PASD1: variants seen among roughly 807,000 people sequenced by gnomAD.
PASD1 encodes circadian clock protein PASD1.
PASD1 carries 13 observed loss-of-function variants against 58.8 expected under a neutral mutation model. The observed-to-expected ratio is 0.22, with a 90% CI of 0.14 to 0.35. The LOEUF is 0.35. Among genes scored for constraint, PASD1 ranks in the 10% least tolerant of loss-of-function variants. PASD1 has a pLI of 1.00. For missense variants in PASD1, 734 were observed against 568.3 expected, an observed-to-expected ratio of 1.29 and a Z score of -2.96; for synonymous variants, 236 against 216.7, an observed-to-expected ratio of 1.09 and a Z score of -0.78.
intron 8 of PASD1, among the ~76,000 whole-genome samples, chrX:151,634,056 C>A (rs1224313138): frequency 8.9e-6 from 1 of 111,923 alleles, no homozygotes; most frequent in Non-Finnish European, 1.9e-5. Context: ...TTACCTCTTT[C>A]TTATCTTGAG....
chrX:151,567,988 G>T (rs1199345505), intron 1 of PASD1, among the ~76,000 whole-genome samples: 2 of 111,954 alleles, frequency 1.8e-5, no homozygotes, highest in Non-Finnish European at 3.8e-5. Flanking sequence ...GCCTCCCAAA[G>T]TTCTGGGATT....
rs772312711 is a variant in PASD1 at position 151,604,703 on chromosome X, C to T, written c.86C>T (p.Thr29Ile). Residue 29 changes from threonine (T) to isoleucine (I), a missense_variant, in exon 3 of 16, where the codon ACC becomes ATC. Coordinates refer to ENST00000370357, the MANE Select transcript of PASD1 (RefSeq NM_173493.3). Reference sequence around the variant, plus strand: ...TTAAACTGGATTCCATCATTTCCTACCTATGATTACTTCAACCAAGTGACG... The same window carrying T: ...TTAAACTGGATTCCATCATTTCCTATCTATGATTACTTCAACCAAGTGACG... ...RKLNWIPSFP[T>I]YDYFNQVTLQ... 7 of 1,208,118 alleles carry T rather than the reference C, an allele frequency of 5.8e-6. No individual in the cohort carries two copies. The highest frequency in any genetic ancestry group is 7.8e-6 in the Non-Finnish European group (7 of 892,767).
intron 4 of PASD1, among the ~76,000 whole-genome samples, chrX:151,616,432 A>G (rs1181861701): frequency 9.0e-6 from 1 of 110,850 alleles, no homozygotes; most frequent in African/African-American, 3.3e-5. Flanking sequence ...GCCCATTATC[A>G]TCATGATCAT....
In PASD1 at chrX:151,674,016, A is replaced by G. The variant is rs748825696; in HGVS notation, c.2005A>G (p.Ile669Val). The G allele has an allele frequency of 1.7e-5, 21 of 1,209,791 alleles. No individual in the cohort carries two copies. The highest frequency in any genetic ancestry group is 7.0e-5 in the African/African-American group (4 of 57,222). Residue 669 changes from isoleucine (I) to valine (V), a missense_variant, in exon 15 of 16, where the codon ATT becomes GTT. By Grantham distance (29) the Ile-to-Val change is conservative. Transcript: ENST00000370357. ...CTCTGAGGCAATTTCTTCTTCCAGCATTCCTCAGTTTCCCATAACTTCAGA... is the reference window on the plus strand; with the variant it reads ...CTCTGAGGCAATTTCTTCTTCCAGCGTTCCTCAGTTTCCCATAACTTCAGA... ...SNSEAISSSS[I>V]PQFPITSDST...
intron 1 of PASD1, among the ~76,000 whole-genome samples, chrX:151,599,521 G>C (rs369543944): frequency 1.8e-5 from 2 of 110,430 alleles, no homozygotes; most frequent in African/African-American, 6.6e-5. Flanking sequence ...GGCGGCTGCC[G>C]GGTGGAGGGG....
chrX:151,609,803 G>GT (rs200781502), intron 3 of PASD1, among the ~76,000 whole-genome samples: 140 of 41,645 alleles, frequency 3.4e-3, no homozygotes, highest in African/African-American at 9.3e-3. Context: ...CTTTCAGGGT[G>GT]TTTTTTTTTT....
intron 1 of PASD1, among the ~76,000 whole-genome samples, chrX:151,588,965 G>A (rs1290476364): frequency 9.0e-6 from 1 of 111,018 alleles, no homozygotes; most frequent in Non-Finnish European, 1.9e-5. Flanking sequence ...TTCTCAGTGA[G>A]CTTTCCCCAC....
At chrX:151,582,412 G>A (rs970619974) in intron 1 of PASD1, among the ~76,000 whole-genome samples, 2 of 111,466 alleles carry the variant, frequency 1.8e-5, no homozygotes, top group Admixed American at 9.5e-5. Flanking sequence ...CTCCTGAGTA[G>A]CTGGGACTAC....
At chrX:151,650,544 T>C (rs1001303491) in intron 9 of PASD1, among the ~76,000 whole-genome samples, 1 of 111,605 alleles carries the variant, frequency 9.0e-6, no homozygotes, top group Non-Finnish European at 1.9e-5. Context: ...CTTCCACTTA[T>C]CACTAAGTTC....
At chrX:151,614,950 A>ATATAAT (rs2013619338) in intron 4 of PASD1, among the ~76,000 whole-genome samples, 1 of 112,263 alleles carries the variant, frequency 8.9e-6, no homozygotes, top group African/African-American at 3.2e-5. Flanking sequence ...AGGATACCAA[A>ATATAAT]ACAGCTAAAT....
intron 11 of PASD1, among the ~76,000 whole-genome samples, chrX:151,669,046 C>T (rs1109556): frequency 0.22 from 23,315 of 107,804 alleles, 2,286 homozygotes; most frequent in Middle Eastern, 0.41. Context: ...CCAGCTCAGC[C>T]TCTTTTTTAT....
At chrX:151,595,838 T>C (rs969605988) in intron 1 of PASD1, among the ~76,000 whole-genome samples, 3 of 112,032 alleles carry the variant, frequency 2.7e-5, no homozygotes, top group African/African-American at 9.7e-5. Context: ...TCTTTCTTGG[T>C]TTTCTGAACT....
chrX:151,640,127 T>G (rs1415878242), intron 8 of PASD1, among the ~76,000 whole-genome samples: 1 of 111,739 alleles, frequency 8.9e-6, no homozygotes, highest in Non-Finnish European at 1.9e-5. Flanking sequence ...GTTACAAAAA[T>G]AGGAAGACTC....
At chrX:151,636,622 T>G (rs1376744875) in intron 8 of PASD1, among the ~76,000 whole-genome samples, 1 of 111,545 alleles carries the variant, frequency 9.0e-6, no homozygotes, top group Non-Finnish European at 1.9e-5. Flanking sequence ...CAGACTGGTC[T>G]TGAACTCCTT....
chrX:151,663,573 C>T (rs2014336846), intron 10 of PASD1, among the ~76,000 whole-genome samples: 1 of 112,176 alleles, frequency 8.9e-6, no homozygotes, highest in South Asian at 3.7e-4. Context: ...TGCGGGACTG[C>T]TGGGTCATTT....
At chrX:151,674,229 A>G in intron 15 of PASD1, 43 bp downstream of exon 15, 1 of 1,198,290 alleles carries the variant, frequency 8.3e-7, no homozygotes, top group Non-Finnish European at 1.1e-6. Context: ...GCAGGTCAAG[A>G]GGGATTCTGG....
chrX:151,671,672 C>T lies in PASD1; in HGVS notation c.1330C>T (p.Arg444Trp), dbSNP rs755898276. The T allele has an allele frequency of 4.9e-5, 59 of 1,208,374 alleles. No homozygotes were observed. Among genetic ancestry groups the T allele is most frequent in the African/African-American group, 3.1e-4 (18 of 57,342 alleles). ...QQKQHAGQVK[R>W]PLPHPKDVKC... is the part of the protein sequence containing the mutation. ...GAAACAACACGCTGGGCAAGTGAAGCGGCCTCTCCCACATCCCAAGGACGT... is the reference window on the plus strand; with the variant it reads ...GAAACAACACGCTGGGCAAGTGAAGTGGCCTCTCCCACATCCCAAGGACGT... Residue 444 changes from arginine to tryptophan, a missense_variant, in exon 13 of 16, where the codon CGG becomes TGG. Transcript: ENST00000370357.
intron 12 of PASD1, 66 bp from the exon 13 acceptor site, chrX:151,671,507 T>C: frequency 1.8e-6 from 2 of 1,140,309 alleles, no homozygotes; most frequent in Non-Finnish European, 2.4e-6. Context: ...CATGCCCAGC[T>C]TGTCTTATGC....
At chrX:151,622,807 A>G (rs1454556596) in intron 6 of PASD1, 130 bp from the exon 7 acceptor site, 1 of 709,264 alleles carries the variant, frequency 1.4e-6, no homozygotes, top group African/African-American at 2.2e-5. Context: ...GAAGACAGGA[A>G]AAATCCCATG....
Sources: allele counts gnomAD v4.1 joint callset (sites outside exome capture counted in the v4.1 genomes callset), GRCh38; gene constraint gnomAD v4.1.1; transcripts MANE v1.5; gene names NCBI Gene and HGNC (gene_info 2026-07-23, HGNC 2026-07-21).